SPATA16: variants seen among roughly 807,000 people sequenced by gnomAD.
SPATA16 encodes the protein spermatogenesis associated 16.
A neutral mutation model predicts 63.3 loss-of-function variants in SPATA16; 36 were observed. That is an observed-to-expected ratio of 0.57 (90% confidence interval 0.44 to 0.75). SPATA16 has a LOEUF of 0.75. SPATA16 is among the 30% of genes least tolerant of loss of function. The probability of loss-of-function intolerance (pLI) is 0.00; values close to 1 mark genes in which losing one functional copy is unlikely to be tolerated. For synonymous variants in SPATA16, 203 were observed against 216.7 expected (o/e 0.94, Z 0.56); for missense variants, 646 against 679.3 (o/e 0.95, Z 0.54).
intron 2 of SPATA16, among the ~76,000 whole-genome samples, chr3:173,101,124 T>C (rs963936858): frequency 6.6e-6 from 1 of 152,174 alleles, no homozygotes; most frequent in Non-Finnish European, 1.5e-5. Context: ...TCCTTCAGGC[T>C]AGGGCTTGCT....
chr3:173,112,129 C>CT (rs1268525271), intron 2 of SPATA16, among the ~76,000 whole-genome samples: 2 of 152,150 alleles, frequency 1.3e-5, no homozygotes, highest in Non-Finnish European at 2.9e-5. Context: ...CACTCTCCCC[C>CT]TACACACACT....
At chr3:173,102,732 C>T (rs1309091786) in intron 2 of SPATA16, among the ~76,000 whole-genome samples, 2 of 152,134 alleles carry the variant, frequency 1.3e-5, no homozygotes, top group Non-Finnish European at 2.9e-5. Context: ...ACCTCTGCCC[C>T]CACAAATCTC....
chr3:173,007,991 C>T (rs1250785014), intron 4 of SPATA16, among the ~76,000 whole-genome samples: 1 of 152,002 alleles, frequency 6.6e-6, no homozygotes, highest in Non-Finnish European at 1.5e-5. Context: ...TTCATATGTA[C>T]ATTTAGCAAT....
At chr3:173,007,610 A>C (rs1025778762) in intron 4 of SPATA16, among the ~76,000 whole-genome samples, 1 of 152,196 alleles carries the variant, frequency 6.6e-6, no homozygotes, top group Non-Finnish European at 1.5e-5. Flanking sequence ...TAAAGATAAG[A>C]ACATTTTAGA....
At chr3:173,112,564 A>G (rs1737774569) in intron 2 of SPATA16, among the ~76,000 whole-genome samples, 1 of 152,216 alleles carries the variant, frequency 6.6e-6, no homozygotes, top group Non-Finnish European at 1.5e-5. Flanking sequence ...TAACACAATA[A>G]TAATAACAGT....
At chr3:172,899,567 C>A (rs1384326488) in intron 10 of SPATA16, among the ~76,000 whole-genome samples, 1 of 151,942 alleles carries the variant, frequency 6.6e-6, no homozygotes, top group East Asian at 1.9e-4. Flanking sequence ...GGGTCATATT[C>A]TGAAGTCTAT....
intron 2 of SPATA16, among the ~76,000 whole-genome samples, chr3:173,056,705 C>CAAAAAAAAAAAAAA (rs71162325): frequency 9.5e-5 from 7 of 73,616 alleles, no homozygotes; most frequent in African/African-American, 3.9e-4. Context: ...ACTCTTGTTT[C>CAAAAAAAAAAAAAA]AAAAAAAAAA....
intron 1 of SPATA16, among the ~76,000 whole-genome samples, chr3:173,126,626 C>T (rs149791162): frequency 1.4e-3 from 217 of 152,300 alleles, no homozygotes; most frequent in Non-Finnish European, 2.5e-3. Context: ...TAGGCTTTCA[C>T]GTTTGGTTTC....
At chr3:172,895,591 C>T (rs1731991010) in intron 10 of SPATA16, among the ~76,000 whole-genome samples, 1 of 152,122 alleles carries the variant, frequency 6.6e-6, no homozygotes, top group Non-Finnish European at 1.5e-5. Context: ...TTGCGTCAGC[C>T]TCCCAAAGTG....
chr3:173,057,238 AG>A (rs751704817), intron 2 of SPATA16, among the ~76,000 whole-genome samples: 1 of 151,366 alleles, frequency 6.6e-6, no homozygotes, highest in South Asian at 2.1e-4. Context: ...CAGCCTCCTG[AG>A]TAGCTGGGAC....
chr3:173,055,458 T>G (rs1037025326), intron 2 of SPATA16, among the ~76,000 whole-genome samples: 7 of 152,310 alleles, frequency 4.6e-5, no homozygotes, highest in Admixed American at 2.0e-4. Flanking sequence ...AGGCACCAAC[T>G]AGTGATCCAT....
intron 2 of SPATA16, among the ~76,000 whole-genome samples, chr3:173,076,933 T>C (rs1351146378): frequency 6.6e-6 from 1 of 151,958 alleles, no homozygotes; most frequent in Non-Finnish European, 1.5e-5. Context: ...CTTTAGAGAG[T>C]TTCTGAAGAG....
At chr3:173,002,697 C>T (rs1487432652) in intron 4 of SPATA16, among the ~76,000 whole-genome samples, 1 of 152,152 alleles carries the variant, frequency 6.6e-6, no homozygotes, top group Non-Finnish European at 1.5e-5. Flanking sequence ...TCTTATACAG[C>T]ATAGTGTGGT....
intron 3 of SPATA16, among the ~76,000 whole-genome samples, chr3:173,040,380 C>G (rs1397327539): frequency 6.6e-6 from 1 of 151,916 alleles, no homozygotes; most frequent in Non-Finnish European, 1.5e-5. Context: ...ATGACAATCA[C>G]AAAGAAAAGG....
At chr3:172,925,799 T>G (rs1391285575) in intron 6 of SPATA16, among the ~76,000 whole-genome samples, 1 of 152,148 alleles carries the variant, frequency 6.6e-6, no homozygotes, top group South Asian at 2.1e-4. Flanking sequence ...CTTATTATTT[T>G]TTGCTTTGAC....
intron 3 of SPATA16, among the ~76,000 whole-genome samples, chr3:173,031,529 G>A (rs1008211879): frequency 5.9e-5 from 9 of 152,148 alleles, no homozygotes; most frequent in Middle Eastern, 3.4e-3. Context: ...CTCAGTAACA[G>A]ATTTACAGAA....
intron 10 of SPATA16, among the ~76,000 whole-genome samples, chr3:172,898,380 G>C (rs906385577): frequency 6.6e-6 from 1 of 152,042 alleles, no homozygotes; most frequent in East Asian, 1.9e-4. Flanking sequence ...GGAGATGTCT[G>C]GGGAGTTTAT....
At chr3:173,101,379 G>C (rs73880440) in intron 2 of SPATA16, among the ~76,000 whole-genome samples, 5,060 of 152,202 alleles carry the variant, frequency 0.033, 296 homozygotes, top group African/African-American at 0.11. Flanking sequence ...TCAAAGGTTT[G>C]AATATTCTCT....
intron 2 of SPATA16, among the ~76,000 whole-genome samples, chr3:173,060,380 GA>G (rs1244522648): frequency 6.6e-6 from 1 of 151,864 alleles, no homozygotes; most frequent in Non-Finnish European, 1.5e-5. Context: ...TAGTTATTTT[GA>G]AAAAGTAATT....
Sources: gnomAD v4.1 joint callset for allele counts (sites outside exome capture counted in the v4.1 genomes callset) on GRCh38, gnomAD v4.1.1 for gene constraint, MANE v1.5 for transcripts, NCBI Gene and HGNC (gene_info 2026-07-23, HGNC 2026-07-21) for gene names.